The following MAP3K3 variants were observed in gnomAD, a reference collection of about 807,000 sequenced individuals.
MAP3K3 encodes MAP/ERK kinase kinase 3.
Under a neutral mutation model 80.9 loss-of-function variants are expected in MAP3K3, and 12 were observed. That is an observed-to-expected ratio of 0.15 (90% CI 0.10 to 0.24). The LOEUF is 0.24. MAP3K3 is among the 10% of genes least tolerant of loss of function. MAP3K3 has a pLI of 1.00. For synonymous variants in MAP3K3, 272 were observed against 307.1 expected (o/e 0.89, Z 1.19); for missense variants, 596 against 834.7 (o/e 0.71, Z 3.52).
At chr17:63,674,406 C>T (rs895580462) in intron 6 of MAP3K3, among the ~76,000 whole-genome samples, 12 of 152,118 alleles carry the variant, frequency 7.9e-5, no homozygotes, top group Non-Finnish European at 1.6e-4. Flanking sequence ...CTCTCTGTCA[C>T]CCAGGCTGGA....
intron 6 of MAP3K3, among the ~76,000 whole-genome samples, chr17:63,669,074 G>A (rs2035052577): frequency 6.6e-6 from 1 of 152,230 alleles, no homozygotes; most frequent in Non-Finnish European, 1.5e-5. Context: ...GCTTTGCACT[G>A]TGTGTAGGGT....
chr17:63,639,401 GAACA>G (rs1337443619), intron 2 of MAP3K3, among the ~76,000 whole-genome samples: 3 of 152,330 alleles, frequency 2.0e-5, no homozygotes, highest in African/African-American at 7.2e-5. Context: ...TCCCTGTGGG[GAACA>G]AACAGTGTGA....
At chr17:63,674,924 CAGAG>C (rs1189573462) in intron 6 of MAP3K3, among the ~76,000 whole-genome samples, 1 of 152,124 alleles carries the variant, frequency 6.6e-6, no homozygotes, top group African/African-American at 2.4e-5. Context: ...GGGCAGTAAA[CAGAG>C]AGCAGTGCTC....
intron 7 of MAP3K3, 139 bp from the exon 8 acceptor site, chr17:63,685,378 C>A (rs992990706): frequency 4.2e-6 from 3 of 712,206 alleles, no homozygotes; most frequent in Non-Finnish European, 7.7e-6. Context: ...TCTAACTATT[C>A]TTCCCATTGC....
chr17:63,691,947 A>G lies in MAP3K3; in HGVS notation c.1474+85A>G. ...GCCTGCAGGGGCCAATCACTTAACC[A>G]TTCTGAACTTTCTGAAAAGTGGGAC... On this transcript the variant is annotated intron_variant, in intron 14 of 15. Coordinates refer to ENST00000361733, the MANE Select transcript of MAP3K3 (RefSeq NM_002401.5). The surrounding 1 kb of genome is among the most constrained non-coding windows in gnomAD (Gnocchi z 4.8). 6.8e-7 allele frequency: 1 copy of G among 1,463,044 alleles called. No individual in the cohort carries two copies. The highest frequency in any genetic ancestry group is 9.4e-7 in the Non-Finnish European group (1 of 1,066,078). 90.6% of individuals were successfully genotyped at this position (1,463,044 alleles called of 1,614,324 possible).
rs57563176 is a variant in MAP3K3 at position 63,627,567 on chromosome 17, C to T, written c.4+4804C>T. ...AAGCAATTCTCCTACCTCAGCCTCC[C>T]GAGTAGCTGGGATTACAGGCACCGG... On this transcript the variant is annotated intron_variant, in intron 1 of 15. Coordinates refer to ENST00000361733, the MANE Select transcript of MAP3K3 (RefSeq NM_002401.5). Among the ~76,000 whole-genome samples the T allele has an allele frequency of 7.3e-5, 11 of 151,590 alleles. No homozygotes were observed. The East Asian group carries it at 1.4e-3, about 19-fold the overall frequency.
chr17:63,688,473 C>T (rs2035508236), intron 8 of MAP3K3, 54 bp from the exon 9 acceptor site: 9 of 1,419,722 alleles, frequency 6.3e-6, no homozygotes, highest in Middle Eastern at 3.5e-4. Flanking sequence ...GGACGCCCTG[C>T]TTGGTTGCTG....
intron 3 of MAP3K3, among the ~76,000 whole-genome samples, chr17:63,652,117 A>G (rs1440053494): frequency 6.6e-6 from 1 of 152,208 alleles, no homozygotes; most frequent in East Asian, 1.9e-4. Context: ...GGTTTGCTGC[A>G]CAGATTAATC....
intron 7 of MAP3K3, among the ~76,000 whole-genome samples, chr17:63,684,619 C>A (rs566116724): frequency 3.4e-4 from 52 of 152,192 alleles, no homozygotes; most frequent in Non-Finnish European, 5.3e-4. Context: ...TTTCATAATT[C>A]TGATACTTTG....
chr17:63,671,560 A>C (rs1408879343), intron 6 of MAP3K3, among the ~76,000 whole-genome samples: 1 of 152,042 alleles, frequency 6.6e-6, no homozygotes, highest in Non-Finnish European at 1.5e-5. Flanking sequence ...GGCCCTCAAA[A>C]TTATTTTCAT....
intron 1 of MAP3K3, among the ~76,000 whole-genome samples, chr17:63,632,466 T>A (rs2034236434): frequency 6.6e-6 from 1 of 152,174 alleles, no homozygotes; most frequent in African/African-American, 2.4e-5. Context: ...CACTCCAGCC[T>A]GAGTGACAGA....
At chr17:63,658,028 C>T in intron 5 of MAP3K3, 121 bp downstream of exon 5, 2 of 509,238 alleles carry the variant, frequency 3.9e-6, no homozygotes, top group Non-Finnish European at 7.1e-6. Flanking sequence ...AGAGCATAAG[C>T]ACAGCACAGC....
intron 6 of MAP3K3, among the ~76,000 whole-genome samples, chr17:63,674,091 A>AG (rs1329948046): frequency 1.3e-5 from 2 of 151,840 alleles, no homozygotes; most frequent in Non-Finnish European, 1.5e-5. Flanking sequence ...AAAAAAAAAA[A>AG]AAAGGACTTG....
At chr17:63,663,772 A>G (rs893662382) in intron 5 of MAP3K3, among the ~76,000 whole-genome samples, 6 of 152,292 alleles carry the variant, frequency 3.9e-5, no homozygotes, top group Admixed American at 2.6e-4. Flanking sequence ...AATGCCTGCA[A>G]TTCCACCTAC....
At chr17:63,663,500 C>CAA (rs201343358) in intron 5 of MAP3K3, among the ~76,000 whole-genome samples, 3 of 94,296 alleles carry the variant, frequency 3.2e-5, no homozygotes, top group Non-Finnish European at 7.0e-5. Context: ...AACTCCGTCT[C>CAA]AAAAAAAAAA....
intron 6 of MAP3K3, among the ~76,000 whole-genome samples, chr17:63,679,844 A>G (rs1198952194): frequency 1.3e-5 from 2 of 152,216 alleles, no homozygotes; most frequent in Non-Finnish European, 1.5e-5. Flanking sequence ...ACACATACAT[A>G]AAACTAAAAC....
rs2035641870 is a variant in MAP3K3, at chr17:63,693,847, A to G, written c.*70A>G. ...AGGGGGCTGCTGCTGGGCTCAGTGA[A>G]GTTGCTGCTTCTCCCAGGCAAGGCT... On this transcript the variant is annotated 3_prime_UTR_variant, in exon 16 of 16. Coordinates refer to ENST00000361733, the MANE Select transcript of MAP3K3 (RefSeq NM_002401.5). This position sits in a 1 kb window ranked among gnomAD's most constrained non-coding sequence, Gnocchi z 4.2. The G allele has an allele frequency of 2.2e-6, 3 of 1,365,074 alleles. No individual in the cohort carries two copies. Among genetic ancestry groups the G allele is most frequent in the African/African-American group, 1.5e-5 (1 of 68,058 alleles). 84.6% of individuals were successfully genotyped at this position (1,365,074 alleles called of 1,614,324 possible). A position where few individuals can be genotyped will look rare whatever the true frequency, so the allele number is the denominator to read the frequency against.
chr17:63,694,337 A>T lies in MAP3K3; in HGVS notation c.*560A>T, dbSNP rs2035651016. The T allele has an allele frequency of 6.5e-6, 1 of 152,712 alleles. No homozygotes were observed. The highest frequency in any genetic ancestry group is 2.4e-5 in the African/African-American group (1 of 41,538). The allele number at this position is 152,712 out of a possible 1,614,324, so 9.5% of individuals were successfully genotyped here. A position where few individuals can be genotyped will look rare whatever the true frequency, so the allele number is the denominator to read the frequency against. ...GTTGGCTCTGCCAGTCCTGTCCTTTACCAAAGATGAATGAAGCAAATGTCA... is the reference window on the plus strand; with the variant it reads ...GTTGGCTCTGCCAGTCCTGTCCTTTTCCAAAGATGAATGAAGCAAATGTCA... On this transcript the variant is annotated 3_prime_UTR_variant, in exon 16 of 16. Transcript: ENST00000361733.
At chr17:63,652,163 A>G (rs1019198469) in intron 3 of MAP3K3, among the ~76,000 whole-genome samples, 5 of 152,112 alleles carry the variant, frequency 3.3e-5, no homozygotes, top group Admixed American at 2.0e-4. Flanking sequence ...TGCATTAGCT[A>G]TTCTTCCTGA....
Sources: gnomAD v4.1 joint callset for allele counts (sites outside exome capture counted in the v4.1 genomes callset) on GRCh38, gnomAD v4.1.1 for gene constraint, Gnocchi (gnomAD v3.1) non-coding constraint, MANE v1.5 for transcripts, NCBI Gene and HGNC (gene_info 2026-07-23, HGNC 2026-07-21) for gene names.